The following RBFOX1 variants were observed in gnomAD, a reference collection of about 807,000 sequenced individuals.
RBFOX1 encodes RNA binding fox-1 homolog 1, also known as RNA binding protein fox-1 homolog 1.
Under a neutral mutation model 57.7 loss-of-function variants are expected in RBFOX1, and 8 were observed. The observed-to-expected ratio is 0.14, with a 90% CI of 0.08 to 0.25. The LOEUF (loss-of-function observed/expected upper bound fraction) is 0.25. Ranked by LOEUF, RBFOX1 falls within the 10% of genes least tolerant of loss-of-function variation. The pLI is 1.00. For missense variants in RBFOX1, 611 were observed against 548.5 expected, an observed-to-expected ratio of 1.11 and a Z score of -1.14; for synonymous variants, 326 against 222.4, an observed-to-expected ratio of 1.47 and a Z score of -4.15.
Position 5,947,472 on chromosome 16 carries a change from A to G in RBFOX1, c.351+80137A>G, listed in dbSNP as rs549780987. ...AGCCTCGAAATCTTGTGCTCAAGCCATTTTCCTGCCTCTGCCAGTTTTTAA... is the reference window on the plus strand; with the variant it reads ...AGCCTCGAAATCTTGTGCTCAAGCCGTTTTCCTGCCTCTGCCAGTTTTTAA... On this transcript the variant is annotated intron_variant, in intron 4 of 19. Coordinates refer to the RBFOX1 transcript ENST00000641259. The surrounding 1 kb of genome is among the most constrained non-coding windows in gnomAD (Gnocchi z 7.2). Among the ~76,000 whole-genome samples, 4 of 152,154 alleles carry G rather than the reference A, an allele frequency of 2.6e-5. No individual in the cohort carries two copies. The highest frequency in any genetic ancestry group is 6.5e-5 in the Admixed American group (1 of 15,292).
chr16:6,868,762 C>T (rs1161717657), intron 3 of RBFOX1, among the ~76,000 whole-genome samples: 2 of 152,176 alleles, frequency 1.3e-5, no homozygotes, highest in Admixed American at 1.3e-4. Context: ...TGAGCCATTG[C>T]ACCCGGCCAG....
intron 2 of RBFOX1, among the ~76,000 whole-genome samples, chr16:6,587,685 A>G (rs1349243899): frequency 6.6e-6 from 1 of 152,180 alleles, no homozygotes; most frequent in Non-Finnish European, 1.5e-5. Context: ...TTTTTAGTGT[A>G]AAAAACAGAG....
intron 3 of RBFOX1, among the ~76,000 whole-genome samples, chr16:6,820,147 C>G (rs919958813): frequency 9.9e-5 from 15 of 152,154 alleles, no homozygotes; most frequent in African/African-American, 3.6e-4. Context: ...CTGTCTCTTG[C>G]CTGCCGCCAT....
At chr16:7,511,908 T>C (rs76076929) in intron 4 of RBFOX1, among the ~76,000 whole-genome samples, 13,131 of 152,216 alleles carry the variant, frequency 0.086, 683 homozygotes, top group African/African-American at 0.14. Context: ...TCATCCTCCT[T>C]TTGTGTATTG....
intron 2 of RBFOX1, among the ~76,000 whole-genome samples, chr16:6,371,697 G>C (rs2090450787): frequency 6.6e-6 from 1 of 152,070 alleles, no homozygotes; most frequent in Non-Finnish European, 1.5e-5. Flanking sequence ...GGGCGATTAT[G>C]GCTTCTGGAC....
At chr16:7,156,290 A>G (rs977320087) in intron 4 of RBFOX1, among the ~76,000 whole-genome samples, 1 of 147,878 alleles carries the variant, frequency 6.8e-6, no homozygotes, top group African/African-American at 2.6e-5. Flanking sequence ...ATATACATGT[A>G]GATATAGGTA....
chr16:6,031,198 G>C (rs1272016563), intron 1 of RBFOX1, among the ~76,000 whole-genome samples: 1 of 152,176 alleles, frequency 6.6e-6, no homozygotes, highest in Non-Finnish European at 1.5e-5. Flanking sequence ...GCTGTGACCA[G>C]TGGGGAGAAG....
intron 3 of RBFOX1, among the ~76,000 whole-genome samples, chr16:5,731,047 C>T (rs1436969890): frequency 6.7e-6 from 1 of 148,542 alleles, no homozygotes; most frequent in Non-Finnish European, 1.5e-5. Flanking sequence ...AACATCACCA[C>T]TGCCATTGTC....
intron 1 of RBFOX1, among the ~76,000 whole-genome samples, chr16:6,259,958 CAAAA>C (rs57516778): frequency 2.9e-5 from 2 of 70,064 alleles, no homozygotes; most frequent in African/African-American, 1.1e-4. Context: ...GAGACTGTCT[CAAAA>C]AAAAAAAAAA....
At chr16:6,668,695 A>G (rs150872176) in intron 3 of RBFOX1, among the ~76,000 whole-genome samples, 34 of 152,322 alleles carry the variant, frequency 2.2e-4, no homozygotes, top group East Asian at 1.3e-3. Flanking sequence ...TGATTTGTCT[A>G]TGATGATATT....
intron 4 of RBFOX1, among the ~76,000 whole-genome samples, chr16:7,234,021 G>A (rs1000800695): frequency 6.6e-6 from 1 of 152,168 alleles, no homozygotes; most frequent in African/African-American, 2.4e-5. Flanking sequence ...GCAAAACTGA[G>A]ACAACATCAA....
At chr16:5,860,504 G>C (rs1057018659) in intron 3 of RBFOX1, among the ~76,000 whole-genome samples, 1 of 152,202 alleles carries the variant, frequency 6.6e-6, no homozygotes, top group African/African-American at 2.4e-5. Context: ...CCTGTTGCTT[G>C]CTCCCATTTG....
At chr16:7,548,968 TCA>T (rs2085471728) in intron 5 of RBFOX1, among the ~76,000 whole-genome samples, 3 of 152,106 alleles carry the variant, frequency 2.0e-5, no homozygotes. Flanking sequence ...ATCCCAGAGC[TCA>T]CATTCCAGGG....
At chr16:7,055,647 C>A (rs993349970) in intron 4 of RBFOX1, among the ~76,000 whole-genome samples, 5 of 152,182 alleles carry the variant, frequency 3.3e-5, no homozygotes, top group African/African-American at 9.7e-5. Flanking sequence ...ATCTCTACAT[C>A]AATCACTGGC....
chr16:7,595,837 C>G (rs188650894), intron 8 of RBFOX1, among the ~76,000 whole-genome samples, 196 bp downstream of exon 8: 2 of 148,968 alleles, frequency 1.3e-5, no homozygotes, highest in African/African-American at 4.9e-5. Flanking sequence ...TATTATGTTA[C>G]TCTTATACCG....
rs560060793 is a variant in RBFOX1, at chr16:5,446,633, C to T, written c.220-20583C>T. On this transcript the variant is annotated intron_variant, in intron 1 of 2. Coordinates refer to the RBFOX1 transcript ENST00000585867. ...GTACTCTGAAGACCCCTGTGGATTT[C>T]TCTGGCAGGTAGATGGGGGTGTGAG... Among the ~76,000 whole-genome samples the T allele has an allele frequency of 5.3e-5, 8 of 152,202 alleles. No homozygotes were observed. The East Asian group carries it at 9.7e-4, about 18-fold the overall frequency.
At chr16:7,406,815 G>T (rs1166748410) in intron 4 of RBFOX1, among the ~76,000 whole-genome samples, 5 of 152,118 alleles carry the variant, frequency 3.3e-5, no homozygotes, top group African/African-American at 1.2e-4. Context: ...GCTTCTGCAG[G>T]GCTGTTTCTT....
intron 5 of RBFOX1, among the ~76,000 whole-genome samples, chr16:7,539,602 C>G (rs940406616): frequency 2.6e-5 from 4 of 152,152 alleles, no homozygotes; most frequent in Admixed American, 2.6e-4. Flanking sequence ...TTGTAATCTT[C>G]TACATAGAGG....
intron 3 of RBFOX1, among the ~76,000 whole-genome samples, chr16:6,816,194 C>T (rs751655660): frequency 1.3e-5 from 2 of 151,866 alleles, no homozygotes; most frequent in Non-Finnish European, 2.9e-5. Context: ...ACTTGTAATC[C>T]CAGCTCCTTT....
Sources: gnomAD v4.1 joint callset for allele counts (sites outside exome capture counted in the v4.1 genomes callset) on GRCh38, gnomAD v4.1.1 for gene constraint, Gnocchi (gnomAD v3.1) non-coding constraint, MANE v1.5 for transcripts, NCBI Gene and HGNC (gene_info 2026-07-23, HGNC 2026-07-21) for gene names.